The following PPP2R5B variants were observed in gnomAD, a reference collection of about 807,000 sequenced individuals.
The protein encoded by PPP2R5B is protein phosphatase 2 regulatory subunit B'beta, also known as serine/threonine-protein phosphatase 2A 56 kDa regulatory subunit beta isoform.
PPP2R5B carries 19 observed loss-of-function variants against 59.9 expected under a neutral mutation model. The observed-to-expected ratio is 0.32, with a 90% CI of 0.22 to 0.47. PPP2R5B has a LOEUF of 0.47. Ranked by LOEUF, PPP2R5B falls within the 20% of genes least tolerant of loss-of-function variation. The pLI is 1.00. For synonymous variants in PPP2R5B, 286 were observed against 260.5 expected, an observed-to-expected ratio of 1.10 and a Z score of -0.94; for missense variants, 441 against 640.2, an observed-to-expected ratio of 0.69 and a Z score of 3.36.
chr11:64,934,403 G>A lies in PPP2R5B; in HGVS notation c.*559G>A, dbSNP rs111561429. ...AGATTCACAGTGTCCTGGGGTAAGG[G>A]GGGGTTCACAGTAATCATGGTCTAC... On this transcript the variant is annotated 3_prime_UTR_variant, in exon 14 of 14. Coordinates refer to ENST00000164133, the MANE Select transcript of PPP2R5B (RefSeq NM_006244.4). 3.3e-5 allele frequency: 12 copies of A among 358,678 alleles called. No homozygotes were observed. The highest frequency in any genetic ancestry group is 2.7e-4 in the South Asian group (10 of 36,832). The allele number at this position is 358,678 out of a possible 1,614,324, so 22.2% of individuals were successfully genotyped here. A position where few individuals can be genotyped will look rare whatever the true frequency, so the allele number is the denominator to read the frequency against.
At chr11:64,927,694 G>A (rs533062810) in intron 3 of PPP2R5B, 108 bp from the exon 4 acceptor site, 70 of 878,416 alleles carry the variant, frequency 8.0e-5, no homozygotes, top group African/African-American at 4.9e-4. Context: ...GCAACAGAGC[G>A]AGACCCTGTC....
chr11:64,933,328 C>A, intron 13 of PPP2R5B, 82 bp downstream of exon 13: 2 of 1,178,698 alleles, frequency 1.7e-6, no homozygotes, highest in African/African-American at 1.5e-5. Flanking sequence ...AACCCGAGGA[C>A]TACCCCAAAC....
rs1590676838 is a variant in PPP2R5B at position 64,926,869 on chromosome 11, T to G, written c.357T>G (p.Gly119=). 1 of 1,613,896 alleles carries G rather than the reference T, an allele frequency of 6.2e-7. No homozygotes were observed. Among genetic ancestry groups the G allele is most frequent in the Middle Eastern group, 1.7e-4 (1 of 6,060 alleles). ...TGGAGTGTGTGGGGAGCACCCGGGG[T>G]GTCCTCATCGAGCCCGTCTACCCAG... ...ELVECVGSTR[G]VLIEPVYPDI... The change falls in exon 3 of 14, where the codon GGT becomes GGG. Residue 119 remains glycine, a synonymous_variant. Coordinates refer to ENST00000164133, the MANE Select transcript of PPP2R5B (RefSeq NM_006244.4).
chr11:64,921,577 ACT>A (rs768237793), upstream of PPP2R5B, among the ~76,000 whole-genome samples: 8 of 151,768 alleles, frequency 5.3e-5, no homozygotes, highest in African/African-American at 9.7e-5. Flanking sequence ...GCGGCTTTTG[ACT>A]CTGTCCTGGG....
In PPP2R5B at chr11:64,932,749, A is replaced by ATCTTGTCTTGTCTTG. The variant is rs780525656; in HGVS notation, c.1117-8_1117-7insTGTCTTGTCTTGTCT. 6.2e-7 allele frequency: 1 copy of ATCTTGTCTTGTCTTG among 1,612,892 alleles called. No individual in the cohort carries two copies. The highest frequency in any genetic ancestry group is 8.5e-7 in the Non-Finnish European group (1 of 1,179,300). ...GCCACTGCCAGTTAATCACTCTGCCATCTTGTCTGCCCCAGGTTGCAGAGC... is the reference window on the plus strand; with the variant it reads ...GCCACTGCCAGTTAATCACTCTGCCATCTTGTCTTGTCTTGTCTTGTCTGCCCCAGGTTGCAGAGC... On this transcript the variant is annotated splice_polypyrimidine_tract_variant and intron_variant, in intron 11 of 13. Transcript: ENST00000164133.
upstream of PPP2R5B, among the ~76,000 whole-genome samples, chr11:64,921,864 T>A (rs1945112542): frequency 6.6e-6 from 1 of 152,198 alleles, no homozygotes; most frequent in South Asian, 2.1e-4. Flanking sequence ...GTGACTTTTT[T>A]TTGTTTTGAA....
upstream of PPP2R5B, chr11:64,924,633 G>C (rs1945138670): frequency 6.6e-6 from 1 of 152,324 alleles, no homozygotes; most frequent in African/African-American, 2.4e-5. Flanking sequence ...CCTTCCTGAC[G>C]CAGCCCCCCC....
At chr11:64,927,041 C>CA (rs200528156) in intron 3 of PPP2R5B, 133 bp downstream of exon 3, 9 of 1,067,308 alleles carry the variant, frequency 8.4e-6, no homozygotes, top group African/African-American at 4.7e-5. Context: ...CTTCCTTCCC[C>CA]CCGACCTGCT....
At chr11:64,920,664 C>G (rs1392560257), upstream of PPP2R5B, among the ~76,000 whole-genome samples, 1 of 149,898 alleles carries the variant, frequency 6.7e-6, no homozygotes, top group African/African-American at 2.5e-5. Flanking sequence ...GAGTCTCGCT[C>G]TGTCTCCCAG....
At position 64,931,976 on chromosome 11, in the gene PPP2R5B, TG is replaced by T; in HGVS notation, c.1116+110del. 6.6e-7 allele frequency: 1 copy of T among 1,506,016 alleles called. No individual in the cohort carries two copies. The highest frequency in any genetic ancestry group is 8.9e-7 in the Non-Finnish European group (1 of 1,123,068). 93.3% of individuals were successfully genotyped at this position (1,506,016 alleles called of 1,614,324 possible). A position where few individuals can be genotyped will look rare whatever the true frequency, so the allele number is the denominator to read the frequency against. On this transcript the variant is annotated intron_variant, in intron 11 of 13. Transcript: ENST00000164133. This position sits in a 1 kb window ranked among gnomAD's most constrained non-coding sequence, Gnocchi z 5.0. ...TCAGTTTCTCCTCCAATCCCGGGTC[TG>T]GTAATGGGGAGATGCTGGACTTAGG... is the stretch of plus-strand genomic sequence containing the variant.
upstream of PPP2R5B, among the ~76,000 whole-genome samples, chr11:64,920,223 C>T (rs551188635): frequency 6.6e-6 from 1 of 152,188 alleles, no homozygotes; most frequent in Non-Finnish European, 1.5e-5. Flanking sequence ...CCTTTCTAGG[C>T]CCCTGGAGCC....
upstream of PPP2R5B, chr11:64,924,363 G>A (rs1945136173): frequency 3.9e-5 from 6 of 152,612 alleles, no homozygotes; most frequent in South Asian, 6.2e-4. Context: ...TGGGCCTAGC[G>A]TAGCTTGCTG....
intron 3 of PPP2R5B, 54 bp downstream of exon 3, chr11:64,926,962 C>T (rs978312673): frequency 1.0e-5 from 16 of 1,574,578 alleles, no homozygotes; most frequent in African/African-American, 2.7e-5. Flanking sequence ...GTGTGAGCCC[C>T]GTTTCCTGTC....
chr11:64,921,335 G>GTCAAC (rs2307670), upstream of PPP2R5B, among the ~76,000 whole-genome samples: 144,332 of 151,884 alleles, frequency 0.95, 69,002 homozygotes, highest in East Asian at 1. Context: ...CTGGATTCCA[G>GTCAAC]TCAAGAGGTC....
chr11:64,920,017 T>C (rs67301043), upstream of PPP2R5B, among the ~76,000 whole-genome samples: 28,705 of 151,584 alleles, frequency 0.19, 3,273 homozygotes, highest in East Asian at 0.43. Context: ...GAGGCTGAGG[T>C]GGCCAGAGTC....
chr11:64,926,726 G>A lies in PPP2R5B; in HGVS notation c.214G>A (p.Glu72Lys), dbSNP rs1565099942. The change falls in exon 3 of 14, where the codon GAG becomes AAG. Residue 72 changes from glutamate to lysine, a missense_variant. Physicochemically the swap from Glu to Lys is moderately conservative, Grantham distance 56. Transcript: ENST00000164133. The stretch of plus-strand genomic sequence containing the variant: ...CTCCTCCCCAGATGTGCCGGCTTCC[G>A]AGCTGCACGAGCTGCTGAGCCGGAA... The part of the protein sequence containing the change: ...LPLLKDVPAS[E>K]LHELLSRKLA... 1.9e-6 allele frequency: 3 copies of A among 1,614,046 alleles called. No homozygotes were observed. The highest frequency in any genetic ancestry group is 2.5e-6 in the Non-Finnish European group (3 of 1,179,986).
rs1176353860 is a variant in PPP2R5B, at chr11:64,924,885, C to CG, written c.-408_-407insG. On this transcript the variant is annotated 5_prime_UTR_variant, in exon 1 of 14. Coordinates refer to ENST00000164133, the MANE Select transcript of PPP2R5B (RefSeq NM_006244.4). ...TTGGGGGCATGCTCTAGCCGCCCCC[C>CG]CGGAGCCCGGGAGAGAACCCAGGAG... 2.0e-5 allele frequency: 3 copies of CG among 152,390 alleles called. No individual in the cohort carries two copies. The highest frequency in any genetic ancestry group is 7.2e-5 in the African/African-American group (3 of 41,442). The allele number at this position is 152,390 out of a possible 1,614,324, so 9.4% of individuals were successfully genotyped here.
intron 3 of PPP2R5B, 122 bp downstream of exon 3, chr11:64,927,030 T>A (rs606974): frequency 0.99 from 1,179,492 of 1,192,454 alleles, 584,230 homozygotes; most frequent in East Asian, 1. Flanking sequence ...TCAGTCCACG[T>A]CTTCCTTCCC....
upstream of PPP2R5B, among the ~76,000 whole-genome samples, chr11:64,923,451 T>C (rs1945127854): frequency 6.6e-6 from 1 of 152,206 alleles, no homozygotes; most frequent in East Asian, 1.9e-4. Context: ...AAGGGCCGGA[T>C]GGGCAAGGCC....
Sources: allele counts gnomAD v4.1 joint callset (sites outside exome capture counted in the v4.1 genomes callset), GRCh38; gene constraint gnomAD v4.1.1; non-coding constraint Gnocchi (gnomAD v3.1); transcripts MANE v1.5; gene names NCBI Gene and HGNC (gene_info 2026-07-23, HGNC 2026-07-21).